The following NPAS3 variants were observed in gnomAD, a reference collection of about 807,000 sequenced individuals.
NPAS3 encodes neuronal PAS domain-containing protein 3.
In NPAS3, 14 loss-of-function variants were observed where a neutral mutation model predicts 73.1. That is an observed-to-expected ratio of 0.19 (90% CI 0.13 to 0.30). NPAS3 has a LOEUF of 0.30. Ranked by LOEUF, NPAS3 falls within the 10% of genes least tolerant of loss-of-function variation. The pLI is 1.00. For synonymous variants in NPAS3, 620 were observed against 541.5 expected, an observed-to-expected ratio of 1.14 and a Z score of -2.01; for missense variants, 1,096 against 1,250.0, an observed-to-expected ratio of 0.88 and a Z score of 1.86.
chr14:33,024,687 A>T (rs567452018), intron 1 of NPAS3, among the ~76,000 whole-genome samples: 102 of 152,358 alleles, frequency 6.7e-4, no homozygotes, highest in South Asian at 1.7e-3. Flanking sequence ...AAAATTACAT[A>T]TATATCAATA....
intron 7 of NPAS3, among the ~76,000 whole-genome samples, chr14:33,752,609 A>G (rs1391832680): frequency 6.6e-6 from 1 of 152,352 alleles, no homozygotes; most frequent in African/African-American, 2.4e-5. Flanking sequence ...AGACATATGC[A>G]TTCATAAATT....
At chr14:33,676,914 C>G (rs953720934) in intron 6 of NPAS3, among the ~76,000 whole-genome samples, 2 of 152,098 alleles carry the variant, frequency 1.3e-5, no homozygotes. Flanking sequence ...CCTTTCTACC[C>G]TCAGTATTTA....
At chr14:33,141,918 T>A (rs1358594909) in intron 2 of NPAS3, among the ~76,000 whole-genome samples, 1 of 152,186 alleles carries the variant, frequency 6.6e-6, no homozygotes, top group Non-Finnish European at 1.5e-5. Flanking sequence ...TCGCCACACC[T>A]TTGTCAACAC....
chr14:33,153,225 T>A (rs1319100128), intron 2 of NPAS3, among the ~76,000 whole-genome samples: 1 of 152,134 alleles, frequency 6.6e-6, no homozygotes, highest in East Asian at 1.9e-4. Flanking sequence ...TACTTTTTTT[T>A]TCATCTGAGT....
At chr14:33,683,427 CAAAAA>C (rs1176606241) in intron 6 of NPAS3, among the ~76,000 whole-genome samples, 71 of 77,518 alleles carry the variant, frequency 9.2e-4, no homozygotes, top group East Asian at 1.8e-3. Flanking sequence ...TTCCTCATTT[CAAAAA>C]AAAAAAAAAA....
intron 1 of NPAS3, among the ~76,000 whole-genome samples, chr14:33,022,038 G>T (rs2039616865): frequency 6.6e-6 from 1 of 152,142 alleles, no homozygotes; most frequent in Non-Finnish European, 1.5e-5. Context: ...GCATCTGTCA[G>T]ATCCCAAACC....
At chr14:33,741,406 T>A (rs1335128320) in intron 7 of NPAS3, among the ~76,000 whole-genome samples, 1 of 152,042 alleles carries the variant, frequency 6.6e-6, no homozygotes, top group Admixed American at 6.6e-5. Context: ...CAAGATAAAT[T>A]GAAGGAGAAA....
chr14:33,062,111 C>A (rs1204604284), intron 2 of NPAS3, among the ~76,000 whole-genome samples: 2 of 152,036 alleles, frequency 1.3e-5, no homozygotes, highest in African/African-American at 2.4e-5. Flanking sequence ...AGAGCCCTGG[C>A]AGGAGTTTTC....
At chr14:33,610,923 A>G (rs1319413065) in intron 5 of NPAS3, 2 of 152,240 alleles carry the variant, frequency 1.3e-5, no homozygotes, top group Non-Finnish European at 2.9e-5. Context: ...GGAGCAGCTT[A>G]TAATTGTTTT....
At chr14:33,431,280 T>C (rs999220436) in intron 4 of NPAS3, among the ~76,000 whole-genome samples, 1 of 152,224 alleles carries the variant, frequency 6.6e-6, no homozygotes, top group African/African-American at 2.4e-5. Flanking sequence ...AATACATGTA[T>C]TAACTTTTCC....
At chr14:33,040,188 G>T (rs924624157) in intron 1 of NPAS3, among the ~76,000 whole-genome samples, 2 of 152,090 alleles carry the variant, frequency 1.3e-5, no homozygotes, top group African/African-American at 4.8e-5. Context: ...ACTGAATCGG[G>T]GGAAACAGAA....
At chr14:33,111,907 G>C (rs568498661) in intron 2 of NPAS3, among the ~76,000 whole-genome samples, 228 of 151,142 alleles carry the variant, frequency 1.5e-3, no homozygotes, top group Non-Finnish European at 2.8e-3. Context: ...CTATGAGTGA[G>C]AACATGCGGT....
chr14:32,985,902 G>A (rs1309122005), intron 1 of NPAS3, among the ~76,000 whole-genome samples: 1 of 152,182 alleles, frequency 6.6e-6, no homozygotes, highest in Non-Finnish European at 1.5e-5. Context: ...AAATGGCTTT[G>A]AGTGAGTCGT....
intron 4 of NPAS3, among the ~76,000 whole-genome samples, chr14:33,491,600 CTAGTATCATAA>C (rs2051902771): frequency 6.6e-6 from 1 of 152,026 alleles, no homozygotes; most frequent in Admixed American, 6.6e-5. Flanking sequence ...CATATTAGCT[CTAGTATCATAA>C]TCACAAAACT....
intron 3 of NPAS3, among the ~76,000 whole-genome samples, chr14:33,301,631 A>G (rs1428148989): frequency 1.3e-5 from 2 of 152,060 alleles, no homozygotes; most frequent in Non-Finnish European, 2.9e-5. Context: ...AGTTTCTGAA[A>G]AAGTGTATAT....
intron 3 of NPAS3, among the ~76,000 whole-genome samples, chr14:33,274,343 C>G (rs2041233734): frequency 1.3e-5 from 2 of 152,150 alleles, no homozygotes; most frequent in African/African-American, 2.4e-5. Context: ...AATTTAACAC[C>G]AGACATCTCA....
At chr14:33,088,760 C>T (rs1595419194) in intron 2 of NPAS3, among the ~76,000 whole-genome samples, 1 of 152,208 alleles carries the variant, frequency 6.6e-6, no homozygotes, top group Non-Finnish European at 1.5e-5. Flanking sequence ...AGTAGCCTAA[C>T]TGGGAGGAAC....
intron 4 of NPAS3, among the ~76,000 whole-genome samples, chr14:33,403,322 T>C (rs1193178043): frequency 1.3e-5 from 2 of 152,114 alleles, no homozygotes; most frequent in Non-Finnish European, 1.5e-5. Flanking sequence ...GTGGATCTCA[T>C]TCTCTGATGC....
intron 5 of NPAS3, among the ~76,000 whole-genome samples, chr14:33,597,356 A>G (rs979607428): frequency 2.6e-5 from 4 of 152,216 alleles, no homozygotes; most frequent in Non-Finnish European, 5.9e-5. Flanking sequence ...TTTGCAGTTG[A>G]AGCAGATATT....
Sources: allele counts gnomAD v4.1 joint callset (sites outside exome capture counted in the v4.1 genomes callset), GRCh38; gene constraint gnomAD v4.1.1; transcripts MANE v1.5; gene names NCBI Gene and HGNC (gene_info 2026-07-23, HGNC 2026-07-21).